Variants in SHISA9 observed in about 807,000 individuals in gnomAD.
SHISA9 encodes shisa family member 9, also known as protein shisa-9.
A neutral mutation model predicts 38.0 loss-of-function variants in SHISA9; 13 were observed. The ratio of observed to expected loss-of-function variants is 0.34; its 90% confidence interval spans 0.22 to 0.54. The LOEUF is 0.54. Ranked by LOEUF, SHISA9 falls within the 20% of genes least tolerant of loss-of-function variation. The pLI is 0.91. For synonymous variants in SHISA9, 275 were observed against 242.0 expected (o/e 1.14, Z -1.27); for missense variants, 538 against 575.8 (o/e 0.93, Z 0.67).
chr16:13,261,638 C>T, the SHISA9 span, among the ~76,000 whole-genome samples: 1 of 152,172 alleles, frequency 6.6e-6, no homozygotes, highest in African/African-American at 2.4e-5. Flanking sequence ...TTCTTATAAT[C>T]CAGACCCACT....
At chr16:13,064,096 A>G (rs75265473) in intron 2 of SHISA9, among the ~76,000 whole-genome samples, 1 of 152,052 alleles carries the variant, frequency 6.6e-6, no homozygotes, top group Non-Finnish European at 1.5e-5. Context: ...TTTGAGATGG[A>G]GTCTCACTGT....
At chr16:12,941,707 T>A (rs1047358939) in intron 2 of SHISA9, among the ~76,000 whole-genome samples, 1 of 152,124 alleles carries the variant, frequency 6.6e-6, no homozygotes, top group African/African-American at 2.4e-5. Context: ...ACAAATTAGC[T>A]GGGCCTGGTG....
intron 2 of SHISA9, among the ~76,000 whole-genome samples, chr16:13,170,268 A>G (rs530245366): frequency 6.6e-6 from 1 of 152,070 alleles, no homozygotes; most frequent in East Asian, 1.9e-4. Context: ...ATTTGTCCCT[A>G]TGATAAGTAT....
At chr16:13,272,938 G>C in the SHISA9 span, among the ~76,000 whole-genome samples, 1 of 152,016 alleles carries the variant, frequency 6.6e-6, no homozygotes, top group African/African-American at 2.4e-5. Context: ...CTCTCTCTCT[G>C]TTTTTATTTG....
At chr16:13,404,076 C>G in the SHISA9 span, among the ~76,000 whole-genome samples, 1 of 152,186 alleles carries the variant, frequency 6.6e-6, no homozygotes, top group Non-Finnish European at 1.5e-5. Flanking sequence ...TTACCCTAAG[C>G]TCATGTCAGG....
intron 2 of SHISA9, among the ~76,000 whole-genome samples, chr16:13,200,587 G>T (rs1035088855): frequency 6.6e-6 from 1 of 152,088 alleles, no homozygotes; most frequent in African/African-American, 2.4e-5. Context: ...CTTTGGAGAG[G>T]AGAATGTCAG....
chr16:13,143,126 G>C (rs779526261), intron 2 of SHISA9, among the ~76,000 whole-genome samples: 2 of 151,618 alleles, frequency 1.3e-5, no homozygotes, highest in Non-Finnish European at 2.9e-5. Context: ...CCTGCCTCAG[G>C]CTCCCGAGTA....
intron 2 of SHISA9, among the ~76,000 whole-genome samples, chr16:13,111,133 G>T (rs1008193434): frequency 6.6e-6 from 1 of 152,026 alleles, no homozygotes; most frequent in East Asian, 1.9e-4. Flanking sequence ...CATAGGCATG[G>T]GTAAAGACTT....
At chr16:13,356,167 T>C in the SHISA9 span, among the ~76,000 whole-genome samples, 1 of 152,220 alleles carries the variant, frequency 6.6e-6, no homozygotes, top group African/African-American at 2.4e-5. Flanking sequence ...TTTTCTATTA[T>C]TGTACACCTG....
chr16:13,069,462 C>CATGTGT (rs61411999), intron 2 of SHISA9, among the ~76,000 whole-genome samples: 24,644 of 151,452 alleles, frequency 0.16, 3,985 homozygotes, highest in African/African-American at 0.42. Flanking sequence ...ACAAAGTATG[C>CATGTGT]ATGTGTATGT....
the SHISA9 span, among the ~76,000 whole-genome samples, chr16:13,326,860 C>T: frequency 0.68 from 103,731 of 152,100 alleles, 35,799 homozygotes; most frequent in African/African-American, 0.76. Flanking sequence ...ACATGTTCCA[C>T]TTATGAATAC....
the SHISA9 span, among the ~76,000 whole-genome samples, chr16:13,539,119 A>C: frequency 1.3e-5 from 2 of 151,484 alleles, no homozygotes; most frequent in African/African-American, 2.4e-5. Context: ...AAGGTCCAGC[A>C]ACAAATGCAT....
chr16:13,391,965 G>T, the SHISA9 span, among the ~76,000 whole-genome samples: 71 of 152,208 alleles, frequency 4.7e-4, no homozygotes, highest in East Asian at 9.7e-3. Flanking sequence ...GGTTTGCCCC[G>T]AGTGTCTGAT....
intron 2 of SHISA9, among the ~76,000 whole-genome samples, chr16:13,139,497 C>T (rs2050381174): frequency 1.3e-5 from 2 of 150,274 alleles, no homozygotes; most frequent in Non-Finnish European, 1.5e-5. Flanking sequence ...TTTCTTTTCT[C>T]CCTTCATCCC....
intron 2 of SHISA9, among the ~76,000 whole-genome samples, chr16:12,988,150 G>C (rs1422352100): frequency 3.9e-5 from 6 of 152,248 alleles, no homozygotes; most frequent in Non-Finnish European, 8.8e-5. Context: ...CTCCAGTCCA[G>C]ATGGACCACA....
the SHISA9 span, among the ~76,000 whole-genome samples, chr16:13,327,830 T>C: frequency 1.3e-5 from 2 of 151,828 alleles, no homozygotes; most frequent in East Asian, 4.0e-4. Flanking sequence ...CTAATTTTTG[T>C]ATTTTTTTAG....
chr16:13,434,321 G>T, the SHISA9 span, among the ~76,000 whole-genome samples: 2 of 151,746 alleles, frequency 1.3e-5, no homozygotes, highest in African/African-American at 4.8e-5. Flanking sequence ...TCCTTTGACA[G>T]CACCCTTGCA....
chr16:13,426,407 G>C, the SHISA9 span, among the ~76,000 whole-genome samples: 133 of 152,238 alleles, frequency 8.7e-4, no homozygotes, highest in African/African-American at 3.1e-3. Context: ...TCCAAAAGGA[G>C]TTCTCCCAAA....
intron 2 of SHISA9, among the ~76,000 whole-genome samples, chr16:13,154,233 G>T (rs780403002): frequency 6.6e-6 from 1 of 152,180 alleles, no homozygotes; most frequent in Non-Finnish European, 1.5e-5. Flanking sequence ...TTACAGTTAT[G>T]TAGCTGTTGT....
Sources: gnomAD v4.1 joint callset for allele counts (sites outside exome capture counted in the v4.1 genomes callset) on GRCh38, gnomAD v4.1.1 for gene constraint, MANE v1.5 for transcripts, NCBI Gene and HGNC (gene_info 2026-07-23, HGNC 2026-07-21) for gene names.